Variants in SZT2 observed in about 807,000 individuals in gnomAD.
SZT2 encodes the protein KICSTOR complex protein SZT2.
A neutral mutation model predicts 404.2 loss-of-function variants in SZT2; 216 were observed. The ratio of observed to expected loss-of-function variants is 0.53; its 90% CI spans 0.48 to 0.60. The LOEUF (loss-of-function observed/expected upper bound fraction) is 0.60, where lower values mean the gene tolerates loss of function less well. SZT2 is among the 20% of genes least tolerant of loss of function. SZT2 has a pLI of 0.00. For missense variants in SZT2, 3,857 were observed against 4,459.2 expected, an observed-to-expected ratio of 0.86 and a Z score of 3.85; for synonymous variants, 1,693 against 1,749.9, an observed-to-expected ratio of 0.97 and a Z score of 0.81.
rs779231248 is a variant in SZT2 at position 43,447,059 on chromosome 1, A to C, written c.9177A>C (p.Leu3059=). ...FHLRLVHQHV[L]GAHLVLRHGY... is the part of the protein sequence containing the mutation. ...TGCGCCTCGTGCATCAGCACGTGCT[A>C]GGTGCCCATCTGGTGCTGCGGCACG... is the stretch of plus-strand genomic sequence containing the variant. Residue 3059 remains leucine (L), a synonymous_variant, in exon 66 of 72, where the codon CTA becomes CTC. Transcript: ENST00000634258. 9.9e-6 allele frequency: 16 copies of C among 1,613,848 alleles called. 1 individual carries two copies. In the South Asian group the frequency reaches 1.8e-4, roughly 18 times the overall value.
At chr1:43,406,839 TATATC>T (rs1331391646) in intron 4 of SZT2, 1 of 152,274 alleles carries the variant, frequency 6.6e-6, no homozygotes, top group East Asian at 1.9e-4. Flanking sequence ...TAACATTGCT[TATATC>T]ATATGGTGAT....
intron 7 of SZT2, 136 bp downstream of exon 7, chr1:43,416,777 C>G (rs1651769496): frequency 1.5e-6 from 1 of 681,458 alleles, no homozygotes; most frequent in African/African-American, 1.8e-5. Context: ...GGAGTCATAT[C>G]TAGAAGGTAG....
chr1:43,431,211 A>C, intron 33 of SZT2, 54 bp from the exon 34 acceptor site: 3 of 1,557,622 alleles, frequency 1.9e-6, no homozygotes, highest in East Asian at 2.2e-5. Context: ...AGTAAGGAGG[A>C]GGCCCTGGTA....
intron 39 of SZT2, 33 bp from the exon 40 acceptor site, chr1:43,432,956 G>A (rs369658510): frequency 2.7e-5 from 44 of 1,610,592 alleles, no homozygotes; most frequent in South Asian, 6.6e-5. Flanking sequence ...GCCCAGCTTC[G>A]GATGGGATTG....
intron 1 of SZT2, among the ~76,000 whole-genome samples, chr1:43,396,218 A>T (rs1008619904): frequency 2.0e-5 from 3 of 152,230 alleles, no homozygotes; most frequent in Non-Finnish European, 2.9e-5. Context: ...ATAATCTAAG[A>T]TATAAAATAG....
chr1:43,422,280 A>T, intron 12 of SZT2, 55 bp downstream of exon 12: 2 of 1,527,004 alleles, frequency 1.3e-6, no homozygotes, highest in Non-Finnish European at 1.8e-6. Context: ...GGTCAGGGGG[A>T]TAGGGAATGA....
rs1316184263 is a variant in SZT2 at position 43,439,215 on chromosome 1, C to T, written c.6792+122C>T. The T allele has an allele frequency of 1.4e-5, 21 of 1,519,172 alleles. No individual in the cohort carries two copies. Among genetic ancestry groups the T allele is most frequent in the Non-Finnish European group, 1.8e-5 (20 of 1,103,974 alleles). 94.1% of individuals were successfully genotyped at this position (1,519,172 alleles called of 1,614,324 possible). On this transcript the variant is annotated intron_variant, in intron 48 of 71. Coordinates refer to ENST00000634258, the MANE Select transcript of SZT2 (RefSeq NM_001365999.1). The surrounding 1 kb of genome is among the most constrained non-coding windows in gnomAD (Gnocchi z 4.2). ...GCCCATGGACCTGGGTACACCCATG[C>T]CCCCCCGGGGACCATTATTACCCGC...
Position 43,448,621 on chromosome 1 carries a change from C to T in SZT2, c.9979C>T (p.Leu3327=). ...GDIDPQLDCF[L]SMTVSWYQSL... ...GTGGCTCCTCCCTCAGGACTGCTTC[C>T]TATCCATGACGGTCTCCTGGTACCA... The change falls in exon 70 of 72, where the codon CTA becomes TTA. Residue 3327 remains leucine, a synonymous_variant. Transcript: ENST00000634258. The surrounding 1 kb of genome is among the most constrained non-coding windows in gnomAD (Gnocchi z 4.2). The T allele has an allele frequency of 6.2e-7, 1 of 1,614,170 alleles. No homozygotes were observed. The highest frequency in any genetic ancestry group is 1.3e-5 in the African/African-American group (1 of 75,040).
Position 43,439,508 on chromosome 1 carries a change from T to G in SZT2, c.6877+66T>G, listed in dbSNP as rs1195060560. ...GGAAAGCCTTTTGTCATCCTATTGC[T>G]AAGAGGACATTTCCCAGGCTTGCAG... On this transcript the variant is annotated intron_variant, in intron 49 of 71. Transcript: ENST00000634258. The surrounding 1 kb of genome is among the most constrained non-coding windows in gnomAD (Gnocchi z 4.2). 1 of 1,599,204 alleles carries G rather than the reference T, an allele frequency of 6.3e-7. No individual in the cohort carries two copies. The highest frequency in any genetic ancestry group is 8.5e-7 in the Non-Finnish European group (1 of 1,171,098).
At chr1:43,446,903 G>A in intron 65 of SZT2, 52 bp from the exon 66 acceptor site, 1 of 1,562,644 alleles carries the variant, frequency 6.4e-7, no homozygotes, top group Admixed American at 1.7e-5. Context: ...ATGTGTTTTG[G>A]GCAGCCAGTG....
chr1:43,453,388 G>A lies in SZT2; in HGVS notation c.*2908G>A, dbSNP rs1656657545. 2 of 1,549,654 alleles carry A rather than the reference G, an allele frequency of 1.3e-6. No homozygotes were observed. The highest frequency in any genetic ancestry group is 1.7e-6 in the Non-Finnish European group (2 of 1,145,020). On this transcript the variant is annotated 3_prime_UTR_variant, in exon 72 of 72. Transcript: ENST00000634258. ...GGGGGTGGGGTGGAGCGGGGTACCTGGGACAGCCCAGGGCTTTGGCATACC... is the reference window on the plus strand; with the variant it reads ...GGGGGTGGGGTGGAGCGGGGTACCTAGGACAGCCCAGGGCTTTGGCATACC...
Position 43,427,741 on chromosome 1 carries a change from G to C in SZT2, c.3803+7G>C, listed in dbSNP as rs767310930. The C allele has an allele frequency of 4.3e-6, 7 of 1,612,366 alleles. No individual in the cohort carries two copies. The African/African-American group carries it at 9.3e-5, about 22-fold the overall frequency. ...CCCGAGACCTCATCTTCCGGTGAGT[G>C]CCTTCAGTGTTGACCTAAGTCCTCG... On this transcript the variant is annotated splice_region_variant and intron_variant, in intron 26 of 71. Transcript: ENST00000634258.
intron 29 of SZT2, 59 bp from the exon 30 acceptor site, chr1:43,429,952 G>A: frequency 1.2e-6 from 2 of 1,612,470 alleles, no homozygotes; most frequent in South Asian, 2.2e-5. Context: ...CTAGGGTAGG[G>A]AGTAGTATCC....
chr1:43,435,429 G>T, intron 42 of SZT2, 100 bp downstream of exon 42: 1 of 1,363,866 alleles, frequency 7.3e-7, no homozygotes, highest in Non-Finnish European at 1.0e-6. Context: ...CTCATTACTT[G>T]GTCATCAGTG....
rs192282999 is a variant in SZT2 at position 43,411,904 on chromosome 1, G to A, written c.499-3178G>A. The A allele has an allele frequency of 5.8e-3, 850 of 146,726 alleles. 2 individuals are homozygous for A. Among genetic ancestry groups the A allele is most frequent in the Middle Eastern group, 0.014 (4 of 276 alleles). 9.1% of individuals were successfully genotyped at this position (146,726 alleles called of 1,614,324 possible). On this transcript the variant is annotated intron_variant, in intron 4 of 71. Transcript: ENST00000634258. ...AGCAATTCTCCTGCCTCAGCCTCCCGAGTAGCTGGGATTACAGGCACCTGC... is the reference window on the plus strand; with the variant it reads ...AGCAATTCTCCTGCCTCAGCCTCCCAAGTAGCTGGGATTACAGGCACCTGC...
chr1:43,411,871 C>G (rs564037750), intron 4 of SZT2: 1 of 150,142 alleles, frequency 6.7e-6, no homozygotes, highest in Non-Finnish European at 1.5e-5. Flanking sequence ...CTCCGCCTCC[C>G]GGGTTCAAGC....
In SZT2 at chr1:43,432,535, C is replaced by G. The variant is rs1013667523; in HGVS notation, c.5461C>G (p.Gln1821Glu). Reference protein sequence around the residue: ...IEGETLTASPQAPGSPEDSEG... With the variant: ...IEGETLTASPEAPGSPEDSEG... ...TCCTCAGACCCTGACAGCCAGCCCC[C>G]AAGCACCTGGGTCCCCAGAGGATTC... The change falls in exon 38 of 72, where the codon CAA becomes GAA. Residue 1821 changes from glutamine (Q) to glutamate (E), a missense_variant. Gln to Glu is a conservative substitution (Grantham distance 29, BLOSUM62 2). This residue lies in a region of SZT2 where 1,725 missense variants were observed against 1,881.0 expected (regional missense o/e 0.92). Transcript: ENST00000634258. 6.2e-6 allele frequency: 10 copies of G among 1,609,012 alleles called. No homozygotes were observed. The highest frequency in any genetic ancestry group is 8.5e-6 in the Non-Finnish European group (10 of 1,177,580).
rs771929400 is a variant in SZT2 at position 43,431,330 on chromosome 1, A to G, written c.4982A>G (p.Asp1661Gly). The stretch of plus-strand genomic sequence containing the variant: ...GGGCAGCCATCATCTTTAAGGTCAG[A>G]TGATGGCCTCGGGCCCCCACTGCCA... ...SPGQPSSLRS[D>G]DGLGPPLPPP... Residue 1661 changes from aspartate (D) to glycine (G), a missense_variant, in exon 34 of 72, where the codon GAT (aspartate) becomes GGT (glycine). Coordinates refer to ENST00000634258, the MANE Select transcript of SZT2 (RefSeq NM_001365999.1). 3.7e-6 allele frequency: 6 copies of G among 1,613,400 alleles called. No homozygotes were observed. Among genetic ancestry groups the G allele is most frequent in the South Asian group, 3.3e-5 (3 of 90,988 alleles).
intron 2 of SZT2, 21 bp downstream of exon 2, chr1:43,403,323 A>C (rs748141282): frequency 6.2e-7 from 1 of 1,609,214 alleles, no homozygotes; most frequent in South Asian, 1.1e-5. Context: ...GACACACGAA[A>C]GGTGTGAGGG....
Sources: allele counts gnomAD v4.1 joint callset (sites outside exome capture counted in the v4.1 genomes callset), GRCh38; gene constraint gnomAD v4.1.1; regional missense constraint gnomAD v4.1.1; non-coding constraint Gnocchi (gnomAD v3.1); transcripts MANE v1.5; gene names NCBI Gene and HGNC (gene_info 2026-07-23, HGNC 2026-07-21).